Variants in RGS6 observed in about 807,000 individuals in gnomAD.
The protein encoded by RGS6 is regulator of G-protein signaling 6.
Under a neutral mutation model 78.5 loss-of-function variants are expected in RGS6, and 30 were observed. That is an observed-to-expected ratio of 0.38 (90% CI 0.29 to 0.52). The LOEUF (loss-of-function observed/expected upper bound fraction) is 0.52, where lower values mean the gene tolerates loss of function less well. RGS6 is among the 20% of genes least tolerant of loss of function. RGS6 has a pLI of 0.85. For missense variants in RGS6, 495 were observed against 609.7 expected (o/e 0.81, Z 1.98); for synonymous variants, 206 against 206.0 (o/e 1.00, Z 0.00).
chr14:72,550,841 G>T (rs979238252), intron 17 of RGS6, among the ~76,000 whole-genome samples: 1 of 151,694 alleles, frequency 6.6e-6, no homozygotes, highest in Non-Finnish European at 1.5e-5. Context: ...TTTGGTTTTT[G>T]GGGGGGTGTT....
intron 13 of RGS6, among the ~76,000 whole-genome samples, chr14:72,501,051 A>G (rs1458324011): frequency 3.3e-5 from 5 of 152,098 alleles, no homozygotes; most frequent in Non-Finnish European, 7.4e-5. Context: ...GTGGGAAAGG[A>G]GAGACAGTGA....
At chr14:72,003,153 T>G (rs2083812648) in intron 2 of RGS6, among the ~76,000 whole-genome samples, 1 of 152,174 alleles carries the variant, frequency 6.6e-6, no homozygotes, top group Non-Finnish European at 1.5e-5. Context: ...ATTGTCATTG[T>G]TCTATGGATT....
At chr14:72,456,164 G>T (rs2095624439) in intron 4 of RGS6, among the ~76,000 whole-genome samples, 1 of 152,216 alleles carries the variant, frequency 6.6e-6, no homozygotes, top group Non-Finnish European at 1.5e-5. Flanking sequence ...CTGAGGAGAA[G>T]CTAAGAACCA....
At chr14:72,185,563 A>T (rs1033038250) in intron 2 of RGS6, among the ~76,000 whole-genome samples, 2 of 152,242 alleles carry the variant, frequency 1.3e-5, no homozygotes, top group Non-Finnish European at 2.9e-5. Context: ...GAATGTGGTT[A>T]ACTAGTGTAG....
intron 17 of RGS6, among the ~76,000 whole-genome samples, chr14:72,551,403 G>A (rs2097504830): frequency 6.6e-6 from 1 of 152,162 alleles, no homozygotes; most frequent in African/African-American, 2.4e-5. Flanking sequence ...TTACCCTGCA[G>A]GTAGCCAGTT....
rs1181493931 is a variant in RGS6, at chr14:72,465,764, A to T, written c.401A>T (p.Tyr134Phe). The T allele has an allele frequency of 6.2e-7, 1 of 1,613,136 alleles. No homozygotes were observed. The highest frequency in any genetic ancestry group is 2.2e-5 in the East Asian group (1 of 44,870). The part of the protein sequence containing the change: ...WEPENTDYAI[Y>F]LCKRTMQNKA... ...ATTTCCTTTCTTCCCTCAGCCATCT[A>T]TCTCTGTAAGAGGACAATGCAAAAT... Residue 134 changes from tyrosine to phenylalanine, a missense_variant, in exon 7 of 18, where the codon TAT (tyrosine) becomes TTT (phenylalanine). Coordinates refer to ENST00000553525, the MANE Select transcript of RGS6 (RefSeq NM_001204424.2).
the RGS6 span, among the ~76,000 whole-genome samples, chr14:72,596,698 A>C: frequency 5.9e-5 from 9 of 152,238 alleles, no homozygotes; most frequent in African/African-American, 2.2e-4. Context: ...CCACTTCATC[A>C]TAACTAAGTG....
chr14:72,471,118 T>C (rs1246139859), intron 8 of RGS6, among the ~76,000 whole-genome samples: 1 of 152,160 alleles, frequency 6.6e-6, no homozygotes, highest in Non-Finnish European at 1.5e-5. Flanking sequence ...TCTGAACTTC[T>C]TCAATTTCTT....
intron 2 of RGS6, among the ~76,000 whole-genome samples, chr14:72,351,597 G>C (rs1277464794): frequency 6.6e-6 from 1 of 151,864 alleles, no homozygotes; most frequent in African/African-American, 2.4e-5. Flanking sequence ...TGTTACTCTA[G>C]ATGTATCCTT....
At chr14:72,085,332 G>T (rs966016297) in intron 2 of RGS6, among the ~76,000 whole-genome samples, 1 of 152,144 alleles carries the variant, frequency 6.6e-6, no homozygotes, top group African/African-American at 2.4e-5. Context: ...TTGTGGTCCA[G>T]CGAGGTTAAG....
chr14:72,137,333 A>G (rs1374940882), intron 2 of RGS6, among the ~76,000 whole-genome samples: 1 of 152,086 alleles, frequency 6.6e-6, no homozygotes, highest in East Asian at 1.9e-4. Context: ...TGCTTTTTCT[A>G]TTCTCACCCG....
intron 2 of RGS6, among the ~76,000 whole-genome samples, chr14:72,196,925 CAG>C (rs1168741321): frequency 6.6e-6 from 1 of 152,204 alleles, no homozygotes; most frequent in Non-Finnish European, 1.5e-5. Flanking sequence ...GTAAATTCCC[CAG>C]AGACTTAAAT....
intron 2 of RGS6, among the ~76,000 whole-genome samples, chr14:72,051,344 A>C (rs1169855049): frequency 6.6e-6 from 1 of 152,202 alleles, no homozygotes; most frequent in Non-Finnish European, 1.5e-5. Context: ...ACAAAAGGTG[A>C]TATTTTGTAA....
chr14:72,274,498 C>G (rs1168632200), intron 2 of RGS6, among the ~76,000 whole-genome samples: 1 of 152,256 alleles, frequency 6.6e-6, no homozygotes, highest in Admixed American at 6.5e-5. Context: ...CCTTCAGGCC[C>G]AAGGCTGGGC....
intron 2 of RGS6, among the ~76,000 whole-genome samples, chr14:72,189,473 G>C (rs1276900972): frequency 6.6e-6 from 1 of 152,178 alleles, no homozygotes; most frequent in East Asian, 1.9e-4. Flanking sequence ...GAAAACAGTG[G>C]GAAATAGGAC....
At chr14:72,270,027 C>T (rs1304242472) in intron 2 of RGS6, among the ~76,000 whole-genome samples, 2 of 152,180 alleles carry the variant, frequency 1.3e-5, no homozygotes, top group East Asian at 1.9e-4. Flanking sequence ...TTTGTAGCAG[C>T]GTACAACACA....
intron 3 of RGS6, among the ~76,000 whole-genome samples, chr14:72,445,556 G>T (rs2095343261): frequency 6.6e-6 from 1 of 151,688 alleles, no homozygotes; most frequent in African/African-American, 2.4e-5. Context: ...TTTGTAAACT[G>T]CCTATATGAT....
intron 2 of RGS6, among the ~76,000 whole-genome samples, chr14:72,296,485 C>A (rs761298109): frequency 6.6e-6 from 1 of 152,120 alleles, no homozygotes; most frequent in Non-Finnish European, 1.5e-5. Flanking sequence ...ACATCCTTGC[C>A]AACACTTAAT....
chr14:72,312,084 C>T (rs1342091251), intron 2 of RGS6, among the ~76,000 whole-genome samples: 1 of 152,126 alleles, frequency 6.6e-6, no homozygotes, highest in African/African-American at 2.4e-5. Context: ...TGGGGGCAGC[C>T]TGAGGTTACC....
Sources: allele counts gnomAD v4.1 joint callset (sites outside exome capture counted in the v4.1 genomes callset), GRCh38; gene constraint gnomAD v4.1.1; transcripts MANE v1.5; gene names NCBI Gene and HGNC (gene_info 2026-07-23, HGNC 2026-07-21).